Variants in RTN1 observed in about 807,000 individuals in gnomAD.
RTN1 encodes reticulon 1.
RTN1 carries 25 observed loss-of-function variants against 65.5 expected under a neutral mutation model. The ratio of observed to expected loss-of-function variants is 0.38; its 90% CI spans 0.28 to 0.53. The LOEUF is 0.53. Ranked by LOEUF, RTN1 falls within the 20% of genes least tolerant of loss-of-function variation. The pLI, the probability that RTN1 is intolerant of heterozygous loss-of-function variation, is 0.79. For missense variants in RTN1, 983 were observed against 1,025.4 expected (o/e 0.96, Z 0.57); for synonymous variants, 471 against 447.6 (o/e 1.05, Z -0.66).
intron 3 of RTN1, among the ~76,000 whole-genome samples, chr14:59,642,145 G>A (rs1330602151): frequency 6.6e-6 from 1 of 152,000 alleles, no homozygotes; most frequent in Non-Finnish European, 1.5e-5. Context: ...TTTTCTTTCA[G>A]CAATTTAAAT....
chr14:59,717,983 A>C (rs1316414285), intron 3 of RTN1, among the ~76,000 whole-genome samples: 1 of 152,228 alleles, frequency 6.6e-6, no homozygotes, highest in Non-Finnish European at 1.5e-5. Flanking sequence ...TCCTGGGGTG[A>C]GCCCGGGAAT....
At chr14:59,706,209 C>T (rs1260389040) in intron 3 of RTN1, among the ~76,000 whole-genome samples, 1 of 152,206 alleles carries the variant, frequency 6.6e-6, no homozygotes, top group Non-Finnish European at 1.5e-5. Flanking sequence ...CTGCCCCTCA[C>T]ATTCCCATAA....
intron 1 of RTN1, among the ~76,000 whole-genome samples, chr14:59,850,532 A>G (rs1887485610): frequency 6.6e-6 from 1 of 152,218 alleles, no homozygotes; most frequent in African/African-American, 2.4e-5. Flanking sequence ...TGAGGACCAT[A>G]TACATTTCGA....
intron 1 of RTN1, among the ~76,000 whole-genome samples, chr14:59,858,423 T>C (rs1347217480): frequency 6.6e-6 from 1 of 151,910 alleles, no homozygotes; most frequent in East Asian, 1.9e-4. Flanking sequence ...GCTTGTCAAC[T>C]AGATCAGGAA....
At chr14:59,822,804 T>C (rs1385883999) in intron 1 of RTN1, among the ~76,000 whole-genome samples, 1 of 152,132 alleles carries the variant, frequency 6.6e-6, no homozygotes, top group East Asian at 1.9e-4. Flanking sequence ...TCGATGTAAT[T>C]GTATGGCTCT....
chr14:59,727,317 T>C lies in RTN1; in HGVS notation c.1367A>G (p.Glu456Gly), dbSNP rs1220333518. The C allele has an allele frequency of 4.0e-6, 6 of 1,496,468 alleles. No individual in the cohort carries two copies. Among genetic ancestry groups the C allele is most frequent in the Non-Finnish European group, 4.5e-6 (5 of 1,122,416 alleles). The allele number at this position is 1,496,468 out of a possible 1,614,324, so 92.7% of individuals were successfully genotyped here. Reference sequence around the variant, plus strand: ...GCTGTCCAGCTCGGCCTCGCGCTCCTCCCTCAGGATGCTGTACTGGATGGA... The same window carrying C: ...GCTGTCCAGCTCGGCCTCGCGCTCCCCCCTCAGGATGCTGTACTGGATGGA... ...SPSIQYSILR[E>G]EREAELDSEL... Residue 456 changes from glutamate (E) to glycine (G), a missense_variant, in exon 3 of 9, where the codon GAG (glutamate) becomes GGG (glycine). Around this residue, in one of 2 missense-constraint regions of RTN1, gnomAD observed 818 missense variants for 801.8 expected, o/e 1.02. Coordinates refer to ENST00000267484, the MANE Select transcript of RTN1 (RefSeq NM_021136.3). This position sits in a 1 kb window ranked among gnomAD's most constrained non-coding sequence, Gnocchi z 4.2.
chr14:59,816,208 CA>C lies in RTN1; in HGVS notation c.241+54181del, dbSNP rs1291472335. ...ACTAAAGTATGCACACACACACACACAAGCTTGCGTGCGTGCACACACACAG... is the reference window on the plus strand; with the variant it reads ...ACTAAAGTATGCACACACACACACACAGCTTGCGTGCGTGCACACACACAG... On this transcript the variant is annotated intron_variant, in intron 1 of 8. Transcript: ENST00000267484. The surrounding 1 kb of genome is among the most constrained non-coding windows in gnomAD (Gnocchi z 4.3). Among the ~76,000 whole-genome samples, 95 of 152,168 alleles carry C rather than the reference CA, an allele frequency of 6.2e-4. No individual in the cohort carries two copies. The highest frequency in any genetic ancestry group is 2.1e-3 in the African/African-American group (88 of 41,494).
intron 3 of RTN1, among the ~76,000 whole-genome samples, chr14:59,714,243 A>AC (rs1266376209): frequency 6.6e-5 from 10 of 151,412 alleles, no homozygotes; most frequent in Non-Finnish European, 1.0e-4. Flanking sequence ...AAAAAAAAAA[A>AC]AAAAAAAAAA....
At chr14:59,609,606 T>C (rs902450163) in intron 3 of RTN1, among the ~76,000 whole-genome samples, 4 of 152,044 alleles carry the variant, frequency 2.6e-5, no homozygotes, top group Admixed American at 1.3e-4. Context: ...GTTGAATGGA[T>C]TGGAGACAAT....
At chr14:59,844,853 G>A (rs1303403413) in intron 1 of RTN1, among the ~76,000 whole-genome samples, 1 of 152,022 alleles carries the variant, frequency 6.6e-6, no homozygotes, top group Non-Finnish European at 1.5e-5. Flanking sequence ...GATGATCAGG[G>A]GTCTTTCTAA....
rs1329876554 is a variant in RTN1, at chr14:59,727,939, C to T, written c.1016-271G>A. 6.6e-6 allele frequency among the ~76,000 whole-genome samples: 1 copy of T among 152,168 alleles called. No individual in the cohort carries two copies. The highest frequency in any genetic ancestry group is 1.5e-5 in the Non-Finnish European group (1 of 68,030). ...TTCAGCTAGCTATTTTAAAAAATGACCCAGCAATATCTTAGCAACAGAATC... is the reference window on the plus strand; with the variant it reads ...TTCAGCTAGCTATTTTAAAAAATGATCCAGCAATATCTTAGCAACAGAATC... On this transcript the variant is annotated intron_variant, in intron 2 of 8. Transcript: ENST00000267484. This position sits in a 1 kb window ranked among gnomAD's most constrained non-coding sequence, Gnocchi z 4.2.
chr14:59,643,321 G>T (rs1197965443), intron 3 of RTN1, among the ~76,000 whole-genome samples: 1 of 152,168 alleles, frequency 6.6e-6, no homozygotes, highest in African/African-American at 2.4e-5. Flanking sequence ...AGGTGTTCAA[G>T]CAACTCTCCT....
At chr14:59,810,809 G>A (rs901442544) in intron 1 of RTN1, among the ~76,000 whole-genome samples, 4 of 152,156 alleles carry the variant, frequency 2.6e-5, no homozygotes, top group Admixed American at 2.0e-4. Flanking sequence ...AATATGTTGC[G>A]TGTAGAGAAC....
intron 1 of RTN1, among the ~76,000 whole-genome samples, chr14:59,844,185 A>G (rs771978179): frequency 1.3e-5 from 2 of 152,202 alleles, no homozygotes; most frequent in Non-Finnish European, 1.5e-5. Flanking sequence ...CAAATGTGCT[A>G]TGGTTTGAAT....
At chr14:59,715,393 G>A (rs1266264945) in intron 3 of RTN1, among the ~76,000 whole-genome samples, 1 of 152,156 alleles carries the variant, frequency 6.6e-6, no homozygotes, top group Non-Finnish European at 1.5e-5. Context: ...GAACTAAAAT[G>A]TAAATCATAA....
At position 59,727,346 on chromosome 14, in the gene RTN1, C is replaced by T. The variant is rs758099927; in HGVS notation, c.1338G>A (p.Ser446=). Reference sequence around the variant, plus strand: ...TCAGGATGCTGTACTGGATGGATGGCGAGGCGGGCGAGGGCGGCGGGCCGC... The same window carrying T: ...TCAGGATGCTGTACTGGATGGATGGTGAGGCGGGCGAGGGCGGCGGGCCGC... ...HVGGPPPSPA[S]PSIQYSILRE... is the part of the protein sequence containing the mutation. The change falls in exon 3 of 9, where the codon TCG becomes TCA. Residue 446 remains serine (S), a synonymous_variant. Transcript: ENST00000267484. The surrounding 1 kb of genome is among the most constrained non-coding windows in gnomAD (Gnocchi z 4.2). 2.0e-6 allele frequency: 3 copies of T among 1,501,384 alleles called. No individual in the cohort carries two copies. The highest frequency in any genetic ancestry group is 2.7e-6 in the Non-Finnish European group (3 of 1,124,148). 93.0% of individuals were successfully genotyped at this position (1,501,384 alleles called of 1,614,324 possible).
At chr14:59,806,001 G>C (rs557676419) in intron 1 of RTN1, among the ~76,000 whole-genome samples, 2 of 152,184 alleles carry the variant, frequency 1.3e-5, no homozygotes, top group East Asian at 3.9e-4. Context: ...ACTTTGGGAG[G>C]CTGAGGTGGG....
intron 1 of RTN1, among the ~76,000 whole-genome samples, chr14:59,817,787 C>T (rs756162041): frequency 1.8e-4 from 27 of 152,160 alleles, no homozygotes; most frequent in Admixed American, 3.3e-4. Flanking sequence ...CAGCACATTG[C>T]GTTTTCTCTA....
At chr14:59,749,396 A>ATATATATCTATATCTATATATATC (rs1566711745) in intron 1 of RTN1, among the ~76,000 whole-genome samples, 1 of 70,994 alleles carries the variant, frequency 1.4e-5, no homozygotes, top group Non-Finnish European at 2.2e-5. Flanking sequence ...ATATATATCT[A>ATATATATCTATATCTATATATATC]TATATATCTA....
Sources: allele counts gnomAD v4.1 joint callset (sites outside exome capture counted in the v4.1 genomes callset), GRCh38; gene constraint gnomAD v4.1.1; regional missense constraint gnomAD v4.1.1; non-coding constraint Gnocchi (gnomAD v3.1); transcripts MANE v1.5; gene names NCBI Gene and HGNC (gene_info 2026-07-23, HGNC 2026-07-21).